Variants in ARID1B observed in about 807,000 individuals in gnomAD.
The protein encoded by ARID1B is AT-rich interaction domain 1B.
In ARID1B, 30 loss-of-function variants were observed where a neutral mutation model predicts 212.3. The observed-to-expected ratio is 0.14, with a 90% confidence interval of 0.11 to 0.19. The LOEUF (loss-of-function observed/expected upper bound fraction) is 0.19, where lower values mean the gene tolerates loss of function less well. ARID1B is among the 10% of genes least tolerant of loss of function. The probability of loss-of-function intolerance (pLI) is 1.00; values close to 1 mark genes in which losing one functional copy is unlikely to be tolerated. For missense variants in ARID1B, 2,891 were observed against 3,204.0 expected (o/e 0.90, Z 2.36); for synonymous variants, 1,402 against 1,301.7 (o/e 1.08, Z -1.66).
intron 5 of ARID1B, among the ~76,000 whole-genome samples, chr6:157,099,875 G>T (rs781453318): frequency 6.6e-6 from 1 of 152,020 alleles, no homozygotes. Flanking sequence ...TCTCAAGTTC[G>T]GGAATTGGAA....
chr6:157,183,891 C>T (rs1381580336), intron 12 of ARID1B, among the ~76,000 whole-genome samples: 1 of 152,164 alleles, frequency 6.6e-6, no homozygotes, highest in Non-Finnish European at 1.5e-5. Flanking sequence ...CATCAGTGCC[C>T]AAAAACCTAA....
chr6:157,091,253 A>T (rs1254267581), intron 5 of ARID1B, among the ~76,000 whole-genome samples: 1 of 152,180 alleles, frequency 6.6e-6, no homozygotes, highest in African/African-American at 2.4e-5. Flanking sequence ...CCCCTCAGGA[A>T]AATCTCAGAC....
chr6:156,982,026 C>CTT (rs547017193), intron 4 of ARID1B, among the ~76,000 whole-genome samples: 3 of 142,644 alleles, frequency 2.1e-5, no homozygotes, highest in Non-Finnish European at 3.1e-5. Context: ...TGGGATGTCT[C>CTT]TTTTTTTTTT....
intron 3 of ARID1B, among the ~76,000 whole-genome samples, chr6:156,927,116 C>T (rs1271239439): frequency 6.6e-6 from 1 of 152,130 alleles, no homozygotes; most frequent in African/African-American, 2.4e-5. Context: ...ATTCAAATTT[C>T]CAATAATCTC....
intron 4 of ARID1B, among the ~76,000 whole-genome samples, chr6:157,076,831 G>A (rs1784343986): frequency 6.6e-6 from 1 of 152,166 alleles, no homozygotes; most frequent in Non-Finnish European, 1.5e-5. Context: ...TGATGTTTGG[G>A]AAGCACCAAC....
At chr6:156,822,414 T>C (rs187328730) in intron 1 of ARID1B, among the ~76,000 whole-genome samples, 1 of 152,352 alleles carries the variant, frequency 6.6e-6, no homozygotes, top group Admixed American at 6.5e-5. Context: ...GATGGGACTG[T>C]GGACCCGAGT....
chr6:156,942,284 A>G (rs949724962), intron 4 of ARID1B: 4 of 152,256 alleles, frequency 2.6e-5, no homozygotes, highest in Non-Finnish European at 5.9e-5. Context: ...AGGCTCATTA[A>G]GTAAGAGATG....
At chr6:156,852,822 T>G (rs929411564) in intron 2 of ARID1B, among the ~76,000 whole-genome samples, 10 of 152,224 alleles carry the variant, frequency 6.6e-5, no homozygotes, top group African/African-American at 2.4e-4. Context: ...AGTAGGAGCC[T>G]CTCGTTTCAT....
At position 156,882,969 on chromosome 6, in the gene ARID1B, A is replaced by G. The variant is rs556867247; in HGVS notation, c.1987-18407A>G. 2.0e-5 allele frequency among the ~76,000 whole-genome samples: 3 copies of G among 152,350 alleles called. No individual in the cohort carries two copies. In the South Asian group the frequency reaches 6.2e-4, roughly 32 times the overall value. On this transcript the variant is annotated intron_variant, in intron 2 of 19. Coordinates refer to ENST00000636930, the MANE Select transcript of ARID1B (RefSeq NM_001374828.1). ...CAAAGTAAGGTTATGATAAAATCTT[A>G]CACGGGGAACCCGAAAAGAGGGAGA...
At chr6:157,130,612 C>T (rs892482130) in intron 6 of ARID1B, among the ~76,000 whole-genome samples, 3 of 152,140 alleles carry the variant, frequency 2.0e-5, no homozygotes, top group Admixed American at 2.0e-4. Flanking sequence ...AATAGTTCAA[C>T]TTACTTTTAT....
chr6:157,141,432 T>C (rs1299212233), intron 7 of ARID1B, among the ~76,000 whole-genome samples: 1 of 152,218 alleles, frequency 6.6e-6, no homozygotes, highest in Non-Finnish European at 1.5e-5. Context: ...TATGGTACCT[T>C]ATGTATAGTT....
chr6:156,975,186 C>T (rs1223985008), intron 4 of ARID1B, among the ~76,000 whole-genome samples: 1 of 152,162 alleles, frequency 6.6e-6, no homozygotes, highest in Non-Finnish European at 1.5e-5. Context: ...TTGTCTTTTG[C>T]ATCGTGGCCA....
intron 10 of ARID1B, 106 bp from the exon 11 acceptor site, chr6:157,174,741 A>T (rs1343380278): frequency 1.3e-5 from 4 of 299,358 alleles, no homozygotes; most frequent in African/African-American, 2.3e-5. Context: ...TATATATATA[A>T]TATATATAAA....
chr6:156,931,188 C>T (rs1791681755), intron 3 of ARID1B, among the ~76,000 whole-genome samples: 1 of 63,266 alleles, frequency 1.6e-5, no homozygotes, highest in South Asian at 8.2e-4. Context: ...GAGACTCAGT[C>T]TCAAAAAAAA....
intron 2 of ARID1B, among the ~76,000 whole-genome samples, chr6:156,862,313 C>T (rs1460002769): frequency 2.0e-5 from 3 of 152,126 alleles, no homozygotes; most frequent in Non-Finnish European, 2.9e-5. Flanking sequence ...TGGCGCGGGC[C>T]CTTGGCCCTG....
At chr6:156,915,200 C>G (rs1049058905) in intron 3 of ARID1B, among the ~76,000 whole-genome samples, 1 of 152,144 alleles carries the variant, frequency 6.6e-6, no homozygotes, top group Admixed American at 6.5e-5. Flanking sequence ...TAGCTGGTTC[C>G]TTTGTGCAGT....
intron 1 of ARID1B, among the ~76,000 whole-genome samples, chr6:156,789,343 A>G (rs1779864664): frequency 6.6e-6 from 1 of 152,172 alleles, no homozygotes; most frequent in South Asian, 2.1e-4. Flanking sequence ...ACTGTATTGA[A>G]CTGTGTGCGT....
chr6:156,776,376 ATAT>A (rs1384211522), upstream of ARID1B: 2 of 152,222 alleles, frequency 1.3e-5, no homozygotes, highest in Non-Finnish European at 2.9e-5. Flanking sequence ...TGACTGTTTT[ATAT>A]TATTATTGAA....
intron 2 of ARID1B, among the ~76,000 whole-genome samples, chr6:156,835,172 G>A (rs1307696436): frequency 1.0e-4 from 15 of 150,460 alleles, no homozygotes; most frequent in African/African-American, 7.4e-5. Flanking sequence ...CCCGGGAGGC[G>A]GAGCTTGCAG....
Sources: gnomAD v4.1 joint callset for allele counts (sites outside exome capture counted in the v4.1 genomes callset) on GRCh38, gnomAD v4.1.1 for gene constraint, MANE v1.5 for transcripts, NCBI Gene and HGNC (gene_info 2026-07-23, HGNC 2026-07-21) for gene names.